FBXO34: variants seen among roughly 807,000 people sequenced by gnomAD.
FBXO34 encodes F-box protein 34, also known as F-box only protein 34.
In FBXO34, 12 loss-of-function variants were observed where a neutral mutation model predicts 24.5. That is an observed-to-expected ratio of 0.49 (90% confidence interval 0.31 to 0.79). The LOEUF is 0.79. Ranked by LOEUF, FBXO34 falls within the 30% of genes least tolerant of loss-of-function variation. The pLI is 0.04. For missense variants in FBXO34, 823 were observed against 857.7 expected (o/e 0.96, Z 0.51); for synonymous variants, 320 against 311.9 (o/e 1.03, Z -0.27).
intron 1 of FBXO34, among the ~76,000 whole-genome samples, chr14:55,317,269 T>C (rs1327597686): frequency 6.6e-6 from 1 of 152,190 alleles, no homozygotes; most frequent in Non-Finnish European, 1.5e-5. Flanking sequence ...GTAACAATTA[T>C]TTAAAATTAT....
chr14:55,368,758 A>C (rs1370083720), downstream of FBXO34: 1 of 152,262 alleles, frequency 6.6e-6, no homozygotes, highest in Non-Finnish European at 1.5e-5. Flanking sequence ...CCCTGTGCCC[A>C]GGCAGGCATT....
the FBXO34 span, among the ~76,000 whole-genome samples, chr14:55,438,225 TG>T: frequency 6.6e-6 from 1 of 152,206 alleles, no homozygotes; most frequent in African/African-American, 2.4e-5. Context: ...CCTCCGCTAA[TG>T]TACGTCTGAC....
intron 1 of FBXO34, among the ~76,000 whole-genome samples, chr14:55,280,685 C>A (rs1881506877): frequency 6.6e-6 from 1 of 152,040 alleles, no homozygotes; most frequent in East Asian, 1.9e-4. Context: ...CGCCACCTCG[C>A]CCGGCTAATT....
the FBXO34 span, among the ~76,000 whole-genome samples, chr14:55,386,570 G>C: frequency 0.56 from 84,629 of 152,112 alleles, 26,585 homozygotes; most frequent in African/African-American, 0.87. Context: ...AGAAGGGCAA[G>C]AGAAACAGCC....
intron 1 of FBXO34, among the ~76,000 whole-genome samples, chr14:55,290,746 A>G (rs1243713066): frequency 2.0e-5 from 3 of 152,234 alleles, no homozygotes; most frequent in Non-Finnish European, 4.4e-5. Flanking sequence ...AATGCAAAGA[A>G]GGTTGAGAAA....
At chr14:55,386,866 T>TTAGAC in the FBXO34 span, among the ~76,000 whole-genome samples, 1 of 152,208 alleles carries the variant, frequency 6.6e-6, no homozygotes, top group Non-Finnish European at 1.5e-5. Context: ...GACAGATATC[T>TTAGAC]AGGAGTTGCT....
At chr14:55,429,766 C>CAAAAAAAAAAAAAAAAAA in the FBXO34 span, among the ~76,000 whole-genome samples, 3 of 52,394 alleles carry the variant, frequency 5.7e-5, no homozygotes, top group Non-Finnish European at 9.7e-5. Flanking sequence ...AACTCCGTCT[C>CAAAAAAAAAAAAAAAAAA]AAAAAAAAAA....
intron 1 of FBXO34, among the ~76,000 whole-genome samples, chr14:55,282,063 C>T (rs1035785022): frequency 7.7e-6 from 1 of 130,540 alleles, no homozygotes; most frequent in Non-Finnish European, 1.5e-5. Flanking sequence ...GTGGCACGAT[C>T]TCGGCTCTCT....
the FBXO34 span, among the ~76,000 whole-genome samples, chr14:55,385,177 T>C: frequency 6.6e-6 from 1 of 152,238 alleles, no homozygotes; most frequent in East Asian, 1.9e-4. Context: ...GAAAAAGGCA[T>C]TTTTAAATCC....
At chr14:55,293,514 T>C (rs766525808) in intron 1 of FBXO34, among the ~76,000 whole-genome samples, 2 of 152,120 alleles carry the variant, frequency 1.3e-5, no homozygotes, top group Non-Finnish European at 2.9e-5. Flanking sequence ...GGGCCTGATA[T>C]CTATAATCTG....
intron 1 of FBXO34, among the ~76,000 whole-genome samples, chr14:55,321,692 C>A (rs939126463): frequency 6.6e-6 from 1 of 152,196 alleles, no homozygotes; most frequent in African/African-American, 2.4e-5. Flanking sequence ...CCACTGCATC[C>A]AGCCAGCTTG....
At chr14:55,389,741 T>G in the FBXO34 span, among the ~76,000 whole-genome samples, 1 of 152,120 alleles carries the variant, frequency 6.6e-6, no homozygotes, top group Non-Finnish European at 1.5e-5. Context: ...GCTCTTGGAG[T>G]TATTTCTAAA....
intron 1 of FBXO34, among the ~76,000 whole-genome samples, chr14:55,314,985 G>T (rs911799538): frequency 6.6e-6 from 1 of 151,960 alleles, no homozygotes; most frequent in Non-Finnish European, 1.5e-5. Flanking sequence ...TCAGCTTCAG[G>T]TATCTTTTGA....
intron 1 of FBXO34, among the ~76,000 whole-genome samples, chr14:55,330,063 G>C (rs1883480988): frequency 6.6e-6 from 1 of 152,130 alleles, no homozygotes; most frequent in South Asian, 2.1e-4. Flanking sequence ...TTAGAGTTCA[G>C]TGGCATCAGA....
chr14:55,311,590 C>G (rs1447473666), intron 1 of FBXO34, among the ~76,000 whole-genome samples: 1 of 152,130 alleles, frequency 6.6e-6, no homozygotes, highest in East Asian at 1.9e-4. Flanking sequence ...TAGTTACTTC[C>G]AAGATACAGT....
the FBXO34 span, among the ~76,000 whole-genome samples, chr14:55,391,794 G>A: frequency 6.6e-6 from 1 of 152,082 alleles, no homozygotes; most frequent in East Asian, 1.9e-4. Context: ...CTCTAGTTCT[G>A]GTTACTGAGG....
the FBXO34 span, among the ~76,000 whole-genome samples, chr14:55,427,443 C>A: frequency 6.6e-6 from 1 of 152,192 alleles, no homozygotes; most frequent in Non-Finnish European, 1.5e-5. Context: ...GAAAGGAAAG[C>A]TAACAAATGT....
intron 1 of FBXO34, among the ~76,000 whole-genome samples, chr14:55,342,609 A>G (rs974599717): frequency 3.9e-5 from 6 of 152,064 alleles, no homozygotes; most frequent in Admixed American, 6.6e-5. Flanking sequence ...GTGCTTAGAG[A>G]CATGGAGGGG....
chr14:55,431,133 G>A, the FBXO34 span, among the ~76,000 whole-genome samples: 84 of 152,304 alleles, frequency 5.5e-4, no homozygotes, highest in Non-Finnish European at 5.7e-4. Flanking sequence ...TACTCTTGCT[G>A]TTACAACAAA....
Sources: allele counts gnomAD v4.1 joint callset (sites outside exome capture counted in the v4.1 genomes callset), GRCh38; gene constraint gnomAD v4.1.1; transcripts MANE v1.5; gene names NCBI Gene and HGNC (gene_info 2026-07-23, HGNC 2026-07-21).